Variants in HHLA2 observed in about 807,000 individuals in gnomAD.
HHLA2 encodes the protein HERV-H LTR-associating protein 2.
Under a neutral mutation model 45.9 loss-of-function variants are expected in HHLA2, and 48 were observed. The observed-to-expected ratio is 1.05, with a 90% CI of 0.83 to 1.33. The LOEUF (loss-of-function observed/expected upper bound fraction) is 1.33. Among genes scored for constraint, HHLA2 ranks in the 40% most tolerant of loss-of-function variants. The pLI is 0.00. For missense variants in HHLA2, 462 were observed against 494.3 expected (o/e 0.93, Z 0.62); for synonymous variants, 161 against 173.9 (o/e 0.93, Z 0.59).
chr3:108,329,104 G>C (rs2081341126), intron 3 of HHLA2, among the ~76,000 whole-genome samples: 1 of 152,160 alleles, frequency 6.6e-6, no homozygotes, highest in Non-Finnish European at 1.5e-5. Flanking sequence ...ACACACTATA[G>C]AGGAAATTTA....
chr3:108,332,632 A>T (rs1003962869), intron 3 of HHLA2, among the ~76,000 whole-genome samples: 1 of 152,204 alleles, frequency 6.6e-6, no homozygotes, highest in African/African-American at 2.4e-5. Context: ...TGATAGTGCC[A>T]TCATTCTCAG....
chr3:108,296,568 A>G (rs2107265190), exon 1 of HHLA2: 1 of 152,322 alleles, frequency 6.6e-6, no homozygotes, highest in Non-Finnish European at 1.5e-5. Context: ...ACTACTTAGC[A>G]TTTGACTAGA....
At chr3:108,298,936 A>C (rs2080806134) in intron 1 of HHLA2, among the ~76,000 whole-genome samples, 1 of 152,224 alleles carries the variant, frequency 6.6e-6, no homozygotes, top group South Asian at 2.1e-4. Flanking sequence ...CTTCTGTTTC[A>C]GGTGGGATGT....
chr3:108,352,275 A>G (rs2081793182), intron 4 of HHLA2, among the ~76,000 whole-genome samples: 1 of 152,172 alleles, frequency 6.6e-6, no homozygotes, highest in African/African-American at 2.4e-5. Context: ...GAGCAATTAG[A>G]GAGATCGACA....
At chr3:108,327,758 T>G (rs2081311474) in intron 2 of HHLA2, among the ~76,000 whole-genome samples, 1 of 152,116 alleles carries the variant, frequency 6.6e-6, no homozygotes, top group Non-Finnish European at 1.5e-5. Context: ...TGCATGCGAG[T>G]TTTATTTTCA....
At chr3:108,351,694 C>T (rs2107453644) in intron 3 of HHLA2, 94 bp from the exon 3 acceptor site, 1 of 702,994 alleles carries the variant, frequency 1.4e-6, no homozygotes, top group Non-Finnish European at 2.4e-6. Context: ...ATTTAATGGC[C>T]ACAAAACAAT....
chr3:108,314,873 C>T (rs2081077221), intron 2 of HHLA2, among the ~76,000 whole-genome samples: 1 of 152,218 alleles, frequency 6.6e-6, no homozygotes, highest in African/African-American at 2.4e-5. Context: ...CTGCTTCCTG[C>T]TGAAACACCC....
At chr3:108,313,570 C>T (rs529365188) in intron 2 of HHLA2, among the ~76,000 whole-genome samples, 2 of 152,274 alleles carry the variant, frequency 1.3e-5, no homozygotes, top group African/African-American at 4.8e-5. Flanking sequence ...TGCTTCAGAG[C>T]TCTTTGGGCA....
At position 108,367,731 on chromosome 3, in the gene HHLA2, T is replaced by C. The variant is rs186052599; in HGVS notation, c.1108+5285T>C. Among the ~76,000 whole-genome samples the C allele has an allele frequency of 3.4e-3, 510 of 152,190 alleles. 7 individuals carry two copies. Among genetic ancestry groups the C allele is most frequent in the African/African-American group, 0.012 (491 of 41,524 alleles). On this transcript the variant is annotated intron_variant, in intron 8 of 10. Transcript: ENST00000619531. ...GTGAAAAGACCAAACCGGTGATTGATTGGGGTCCCTGAAAGTGATGGGGAG... is the reference window on the plus strand; with the variant it reads ...GTGAAAAGACCAAACCGGTGATTGACTGGGGTCCCTGAAAGTGATGGGGAG...
At chr3:108,341,169 T>A (rs1052172732) in intron 3 of HHLA2, among the ~76,000 whole-genome samples, 11 of 152,126 alleles carry the variant, frequency 7.2e-5, no homozygotes, top group African/African-American at 2.4e-4. Context: ...GCCAGGCTGG[T>A]GTCGAACTGC....
At chr3:108,325,789 G>C (rs62266194) in intron 2 of HHLA2, 10,410 of 302,584 alleles carry the variant, frequency 0.034, 398 homozygotes, top group East Asian at 0.18. Context: ...CACAACCATT[G>C]AAGTTTCCTC....
At chr3:108,330,040 G>T (rs1183102037) in intron 3 of HHLA2, among the ~76,000 whole-genome samples, 1 of 152,086 alleles carries the variant, frequency 6.6e-6, no homozygotes, top group Non-Finnish European at 1.5e-5. Flanking sequence ...TGTGGCTGCT[G>T]GTGGGAGGAT....
At chr3:108,340,909 TTCC>T (rs1203525322) in intron 3 of HHLA2, among the ~76,000 whole-genome samples, 1,841 of 62,466 alleles carry the variant, frequency 0.029, 43 homozygotes, top group East Asian at 0.13. Flanking sequence ...TTTTTTTTTT[TTCC>T]TTCCTTCCTT....
chr3:108,300,446 A>G (rs67170239), intron 1 of HHLA2, among the ~76,000 whole-genome samples: 26,805 of 152,122 alleles, frequency 0.18, 3,769 homozygotes, highest in East Asian at 0.75. Context: ...TAGGGGGTAG[A>G]GAAAGCCAGA....
chr3:108,347,681 T>A (rs1243675890), intron 3 of HHLA2, among the ~76,000 whole-genome samples: 7 of 152,158 alleles, frequency 4.6e-5, no homozygotes, highest in Non-Finnish European at 1.0e-4. Context: ...AATGCGTATT[T>A]GTAGATATCC....
chr3:108,353,372 C>T, intron 4 of HHLA2, 55 bp from the exon 4 acceptor site: 3 of 1,188,062 alleles, frequency 2.5e-6, no homozygotes, highest in Non-Finnish European at 3.5e-6. Context: ...TGGTATAATC[C>T]TGAACAAGCA....
intron 3 of HHLA2, among the ~76,000 whole-genome samples, chr3:108,349,414 G>A (rs1427279677): frequency 2.6e-5 from 4 of 152,084 alleles, no homozygotes; most frequent in Non-Finnish European, 5.9e-5. Flanking sequence ...TAAATTCCTG[G>A]ACACATACAC....
intron 2 of HHLA2, among the ~76,000 whole-genome samples, chr3:108,313,862 G>C (rs1448104857): frequency 1.3e-5 from 2 of 152,192 alleles, no homozygotes; most frequent in Non-Finnish European, 2.9e-5. Flanking sequence ...TCGAAGCTAA[G>C]AGTGTTCAGG....
chr3:108,362,377 T>A, exon 8 of HHLA2: 1 of 1,613,096 alleles, frequency 6.2e-7, no homozygotes, highest in Non-Finnish European at 8.5e-7. Context: ...TAACAAAGGC[T>A]TATGGATTTT....
Sources: allele counts gnomAD v4.1 joint callset (sites outside exome capture counted in the v4.1 genomes callset), GRCh38; gene constraint gnomAD v4.1.1; transcripts MANE v1.5; gene names NCBI Gene and HGNC (gene_info 2026-07-23, HGNC 2026-07-21).